Variants in PTBP3 observed in about 807,000 individuals in gnomAD.
PTBP3 encodes polypyrimidine tract-binding protein 3.
A neutral mutation model predicts 58.7 loss-of-function variants in PTBP3; 20 were observed. The observed-to-expected ratio is 0.34, with a 90% CI of 0.24 to 0.50. The LOEUF is 0.50. Ranked by LOEUF, PTBP3 falls within the 20% of genes least tolerant of loss-of-function variation. The pLI is 0.98. For missense variants in PTBP3, 509 were observed against 637.2 expected, an observed-to-expected ratio of 0.80 and a Z score of 2.17; for synonymous variants, 185 against 219.8, an observed-to-expected ratio of 0.84 and a Z score of 1.40.
chr9:112,250,486 A>G (rs1296438880), intron 7 of PTBP3, among the ~76,000 whole-genome samples: 6 of 82,896 alleles, frequency 7.2e-5, no homozygotes, highest in African/African-American at 1.8e-4. Flanking sequence ...TTTAGGAAAC[A>G]AAACAAAATA....
At chr9:112,288,999 T>G (rs1221668008) in intron 2 of PTBP3, among the ~76,000 whole-genome samples, 1 of 152,264 alleles carries the variant, frequency 6.6e-6, no homozygotes, top group Non-Finnish European at 1.5e-5. Flanking sequence ...TTCCAACGTT[T>G]GTTTTCTACG....
chr9:112,319,336 G>A (rs4979099), intron 1 of PTBP3, among the ~76,000 whole-genome samples: 74,499 of 151,798 alleles, frequency 0.49, 18,703 homozygotes, highest in African/African-American at 0.6. Context: ...TCAGCAGTTC[G>A]AGACCAACCT....
At chr9:112,293,733 G>A (rs1828546411) in intron 2 of PTBP3, among the ~76,000 whole-genome samples, 1 of 152,158 alleles carries the variant, frequency 6.6e-6, no homozygotes. Context: ...GCCCAAGATG[G>A]AGGAAAAAGT....
At chr9:112,324,558 G>A (rs947120321) in intron 1 of PTBP3, among the ~76,000 whole-genome samples, 5 of 152,084 alleles carry the variant, frequency 3.3e-5, no homozygotes, top group African/African-American at 7.2e-5. Context: ...CCTGAGGCAC[G>A]AGAATCGCTT....
chr9:112,258,021 T>C (rs1412795248), intron 5 of PTBP3, among the ~76,000 whole-genome samples: 1 of 152,140 alleles, frequency 6.6e-6, no homozygotes, highest in African/African-American at 2.4e-5. Flanking sequence ...AACTTGTTTA[T>C]AATAGTTTTT....
intron 1 of PTBP3, among the ~76,000 whole-genome samples, chr9:112,318,450 A>C (rs1829793365): frequency 6.6e-6 from 1 of 152,206 alleles, no homozygotes; most frequent in South Asian, 2.1e-4. Flanking sequence ...CATTGAAAGA[A>C]ATTAAAGACG....
At chr9:112,348,000 A>G in the PTBP3 span, among the ~76,000 whole-genome samples, 1 of 152,368 alleles carries the variant, frequency 6.6e-6, no homozygotes, top group African/African-American at 2.4e-5. Context: ...CGTAGGTTCC[A>G]AGACCTCATG....
the PTBP3 span, among the ~76,000 whole-genome samples, chr9:112,340,954 G>A: frequency 6.6e-6 from 1 of 151,982 alleles, no homozygotes; most frequent in African/African-American, 2.4e-5. Flanking sequence ...AGAGGATAAA[G>A]AAGTATTTTG....
At chr9:112,334,109 C>T (rs1269737395), upstream of PTBP3, among the ~76,000 whole-genome samples, 3 of 151,922 alleles carry the variant, frequency 2.0e-5, no homozygotes, top group Admixed American at 2.0e-4. Flanking sequence ...GTGCGCGAGG[C>T]TGTAGATGAC....
In PTBP3 at chr9:112,221,514, C is replaced by T; in HGVS notation, c.*2337G>A. The T allele has an allele frequency of 1.0e-6, 1 of 985,502 alleles. No individual in the cohort carries two copies. Among genetic ancestry groups the T allele is most frequent in the Non-Finnish European group, 1.2e-6 (1 of 829,780 alleles). 61.0% of individuals were successfully genotyped at this position (985,502 alleles called of 1,614,324 possible). A position where few individuals can be genotyped will look rare whatever the true frequency, so the allele number is the denominator to read the frequency against. On this transcript the variant is annotated 3_prime_UTR_variant, in exon 14 of 14. Transcript: ENST00000374257. ...AATGAAATAATCCAATTTAACATGG[C>T]ACTGAAAATTATAATAGTGCCTGTG... is the stretch of plus-strand genomic sequence containing the variant.
At chr9:112,267,198 C>T (rs1385856385) in intron 4 of PTBP3, among the ~76,000 whole-genome samples, 9 of 147,530 alleles carry the variant, frequency 6.1e-5, no homozygotes, top group Non-Finnish European at 1.3e-4. Flanking sequence ...GACAGAGTCT[C>T]GCTCTCACCC....
chr9:112,265,427 C>A (rs553428654), intron 4 of PTBP3, among the ~76,000 whole-genome samples: 1 of 110,692 alleles, frequency 9.0e-6, no homozygotes, highest in Admixed American at 1.2e-4. Context: ...CGCTTGAACC[C>A]GGCGGGCGGG....
At chr9:112,239,835 G>A (rs1283263882) in intron 7 of PTBP3, among the ~76,000 whole-genome samples, 2 of 10,566 alleles carry the variant, frequency 1.9e-4, no homozygotes, top group East Asian at 7.8e-3. Flanking sequence ...GGGAGGAAGG[G>A]AGGGAGGGAG....
At chr9:112,311,687 G>T (rs1329697614) in intron 1 of PTBP3, among the ~76,000 whole-genome samples, 1 of 152,164 alleles carries the variant, frequency 6.6e-6, no homozygotes. Flanking sequence ...AGTGTATCAG[G>T]CCTGTAATCC....
At chr9:112,363,283 G>A in the PTBP3 span, among the ~76,000 whole-genome samples, 6 of 152,180 alleles carry the variant, frequency 3.9e-5, no homozygotes, top group Non-Finnish European at 5.9e-5. Context: ...GGTAGCACAC[G>A]CTTGTGATCT....
At chr9:112,231,903 TGAAAA>T (rs1165224340) in intron 9 of PTBP3, among the ~76,000 whole-genome samples, 191 bp downstream of exon 9, 67 of 124,416 alleles carry the variant, frequency 5.4e-4, no homozygotes, top group African/African-American at 1.8e-3. Context: ...AAATCCTTTC[TGAAAA>T]GAAAAGAAGA....
At chr9:112,329,658 C>T (rs1403958067) in intron 1 of PTBP3, among the ~76,000 whole-genome samples, 1 of 152,038 alleles carries the variant, frequency 6.6e-6, no homozygotes, top group Non-Finnish European at 1.5e-5. Context: ...ATTTTTTCAC[C>T]TCTAAAATGG....
chr9:112,267,134 C>T (rs1247297987), intron 4 of PTBP3, among the ~76,000 whole-genome samples: 2 of 151,908 alleles, frequency 1.3e-5, no homozygotes, highest in East Asian at 3.8e-4. Context: ...GCCAAACATG[C>T]CCTTAAAATC....
Position 112,222,674 on chromosome 9 carries a change from A to G in PTBP3, c.*1177T>C. The G allele has an allele frequency of 1.0e-6, 1 of 984,440 alleles. No homozygotes were observed. Among genetic ancestry groups the G allele is most frequent in the Non-Finnish European group, 1.2e-6 (1 of 828,622 alleles). The allele number at this position is 984,440 out of a possible 1,614,324, so 61.0% of individuals were successfully genotyped here. The stretch of plus-strand genomic sequence containing the variant: ...TGAAAACCACTTAAAATTGCAATGA[A>G]AAAAATTTTAAATCCTTACCAAAAC... On this transcript the variant is annotated 3_prime_UTR_variant, in exon 14 of 14. Transcript: ENST00000374257.
Sources: gnomAD v4.1 joint callset for allele counts (sites outside exome capture counted in the v4.1 genomes callset) on GRCh38, gnomAD v4.1.1 for gene constraint, MANE v1.5 for transcripts, NCBI Gene and HGNC (gene_info 2026-07-23, HGNC 2026-07-21) for gene names.